The following ADK variants were observed in gnomAD, a reference collection of about 807,000 sequenced individuals.
ADK encodes the protein adenosine kinase.
In ADK, 24 loss-of-function variants were observed where a neutral mutation model predicts 44.7. The observed-to-expected ratio is 0.54, with a 90% CI of 0.39 to 0.76. The LOEUF is 0.76. ADK is among the 30% of genes least tolerant of loss of function. The probability of loss-of-function intolerance (pLI) is 0.00; values close to 1 mark genes in which losing one functional copy is unlikely to be tolerated. For missense variants in ADK, 321 were observed against 425.1 expected, an observed-to-expected ratio of 0.76 and a Z score of 2.15; for synonymous variants, 128 against 142.6, an observed-to-expected ratio of 0.90 and a Z score of 0.73.
At chr10:74,558,520 G>A (rs1363921945) in intron 7 of ADK, among the ~76,000 whole-genome samples, 1 of 152,146 alleles carries the variant, frequency 6.6e-6, no homozygotes, top group Non-Finnish European at 1.5e-5. Flanking sequence ...TTTCCTGCTC[G>A]TGCTCTCTGT....
At chr10:74,356,007 T>A (rs11001009) in intron 4 of ADK, among the ~76,000 whole-genome samples, 16 of 32,140 alleles carry the variant, frequency 5.0e-4, no homozygotes, top group Non-Finnish European at 1.3e-3. Context: ...AATTCATTTT[T>A]TTTTTTTTTT....
intron 3 of ADK, among the ~76,000 whole-genome samples, chr10:74,289,981 A>G (rs1847343036): frequency 6.6e-6 from 1 of 152,064 alleles, no homozygotes; most frequent in African/African-American, 2.4e-5. Flanking sequence ...TTTATAGTAA[A>G]TTAGGATTCT....
At chr10:74,486,861 T>C (rs1481408366) in intron 6 of ADK, among the ~76,000 whole-genome samples, 1 of 152,210 alleles carries the variant, frequency 6.6e-6, no homozygotes, top group Non-Finnish European at 1.5e-5. Context: ...TTATTATGTT[T>C]CTTAGGAACA....
intron 2 of ADK, among the ~76,000 whole-genome samples, chr10:74,209,447 ATAAG>A (rs1007006928): frequency 1.2e-4 from 19 of 152,344 alleles, no homozygotes; most frequent in African/African-American, 2.4e-4. Flanking sequence ...ACAACAAAAC[ATAAG>A]TAAGTAAATA....
intron 8 of ADK, among the ~76,000 whole-genome samples, chr10:74,595,557 T>A (rs1001497715): frequency 8.0e-5 from 12 of 150,738 alleles, no homozygotes; most frequent in African/African-American, 2.9e-4. Context: ...TTTGTATTTT[T>A]AGTAGAGACG....
At chr10:74,584,313 C>G (rs368939872) in intron 7 of ADK, among the ~76,000 whole-genome samples, 5 of 152,250 alleles carry the variant, frequency 3.3e-5, no homozygotes, top group African/African-American at 9.6e-5. Context: ...TTCCTAGCAA[C>G]AATGCAACGA....
chr10:74,637,434 G>A (rs1296485816), intron 9 of ADK, among the ~76,000 whole-genome samples: 1 of 152,190 alleles, frequency 6.6e-6, no homozygotes, highest in African/African-American at 2.4e-5. Flanking sequence ...TGCTGTGAAT[G>A]TTCTAAAGAC....
rs932749388 is a variant in ADK at position 74,510,770 on chromosome 10, C to T, written c.556-14486C>T. On this transcript the variant is annotated intron_variant, in intron 6 of 10. Coordinates refer to ENST00000539909, the MANE Select transcript of ADK (RefSeq NM_006721.4). ...TCACCCAGGCTGCAGTGCAGTGGTGCGATAATGACTCACTGCAGCCTTGAC... is the reference window on the plus strand; with the variant it reads ...TCACCCAGGCTGCAGTGCAGTGGTGTGATAATGACTCACTGCAGCCTTGAC... Among the ~76,000 whole-genome samples the T allele has an allele frequency of 4.6e-5, 7 of 152,074 alleles. No individual in the cohort carries two copies. The South Asian group carries it at 1.0e-3, about 23-fold the overall frequency.
intron 4 of ADK, among the ~76,000 whole-genome samples, chr10:74,390,634 G>A (rs1843299374): frequency 6.6e-6 from 1 of 152,136 alleles, no homozygotes; most frequent in South Asian, 2.1e-4. Flanking sequence ...AGATGTCACA[G>A]TTATTCTGGT....
intron 3 of ADK, among the ~76,000 whole-genome samples, chr10:74,243,817 G>A (rs900908809): frequency 4.6e-5 from 7 of 152,044 alleles, no homozygotes; most frequent in South Asian, 2.1e-4. Flanking sequence ...GAGCCATCAC[G>A]CCACACTGCA....
At chr10:74,583,713 A>C (rs1419276582) in intron 7 of ADK, among the ~76,000 whole-genome samples, 1 of 152,140 alleles carries the variant, frequency 6.6e-6, no homozygotes, top group Non-Finnish European at 1.5e-5. Context: ...ACATAATTTG[A>C]ATGTGAAATT....
chr10:74,187,487 A>G (rs1842800052), intron 1 of ADK, among the ~76,000 whole-genome samples: 1 of 150,960 alleles, frequency 6.6e-6, no homozygotes, highest in African/African-American at 2.4e-5. Flanking sequence ...GGTTTCTCAG[A>G]TTTTACACGC....
At chr10:74,559,744 A>G (rs969709903) in intron 7 of ADK, among the ~76,000 whole-genome samples, 3 of 152,046 alleles carry the variant, frequency 2.0e-5, no homozygotes, top group East Asian at 3.8e-4. Context: ...TTGTAATTCT[A>G]TATCTTTTCA....
intron 3 of ADK, among the ~76,000 whole-genome samples, chr10:74,254,351 C>A (rs371848725): frequency 6.6e-6 from 1 of 151,864 alleles, no homozygotes; most frequent in East Asian, 1.9e-4. Flanking sequence ...TTTTGTATTC[C>A]TTTCCTTAAA....
chr10:74,154,075 G>T (rs1440942860), intron 1 of ADK, among the ~76,000 whole-genome samples: 3 of 152,116 alleles, frequency 2.0e-5, no homozygotes, highest in Non-Finnish European at 4.4e-5. Context: ...TGACTGTAGG[G>T]TATCTGTGAA....
intron 1 of ADK, among the ~76,000 whole-genome samples, chr10:74,155,389 T>C (rs1253492622): frequency 6.6e-6 from 1 of 152,044 alleles, no homozygotes; most frequent in Non-Finnish European, 1.5e-5. Context: ...CACAGGAGGC[T>C]GAGGCAGGAG....
chr10:74,380,340 A>G (rs982809086), intron 4 of ADK, among the ~76,000 whole-genome samples: 5 of 152,220 alleles, frequency 3.3e-5, no homozygotes, highest in Non-Finnish European at 7.3e-5. Context: ...ATGCTGAAGT[A>G]GCAGTCCTGG....
chr10:74,437,344 C>T (rs931419153), intron 6 of ADK, among the ~76,000 whole-genome samples: 2 of 152,086 alleles, frequency 1.3e-5, no homozygotes, highest in Non-Finnish European at 2.9e-5. Context: ...TTAGCACATA[C>T]CTCTTTTCTG....
intron 6 of ADK, among the ~76,000 whole-genome samples, chr10:74,401,274 C>T (rs934038417): frequency 2.0e-5 from 3 of 152,098 alleles, no homozygotes; most frequent in African/African-American, 7.2e-5. Context: ...TGGTTTATGC[C>T]TGTAGTCCCA....
Sources: gnomAD v4.1 joint callset for allele counts (sites outside exome capture counted in the v4.1 genomes callset) on GRCh38, gnomAD v4.1.1 for gene constraint, MANE v1.5 for transcripts, NCBI Gene and HGNC (gene_info 2026-07-23, HGNC 2026-07-21) for gene names.